GTF2H5: variants seen among roughly 807,000 people sequenced by gnomAD.
The protein encoded by GTF2H5 is TFB5 ortholog.
A neutral mutation model predicts 7.1 loss-of-function variants in GTF2H5; 5 were observed. That is an observed-to-expected ratio of 0.71 (90% CI 0.37 to 1.49). The LOEUF (loss-of-function observed/expected upper bound fraction) is 1.49. GTF2H5 is among the 40% of genes most tolerant of loss of function. GTF2H5 has a pLI of 0.03. For missense variants in GTF2H5, 80 were observed against 83.0 expected, an observed-to-expected ratio of 0.96 and a Z score of 0.14; for synonymous variants, 30 against 31.7, an observed-to-expected ratio of 0.95 and a Z score of 0.18.
chr6:158,174,925 G>A (rs1785908667), intron 2 of GTF2H5, among the ~76,000 whole-genome samples: 1 of 151,932 alleles, frequency 6.6e-6, no homozygotes. Flanking sequence ...TTTTTTCTCA[G>A]CATGTATAAA....
intron 2 of GTF2H5, among the ~76,000 whole-genome samples, chr6:158,185,965 A>G (rs1345393995): frequency 6.6e-6 from 1 of 152,158 alleles, no homozygotes; most frequent in Non-Finnish European, 1.5e-5. Flanking sequence ...ACTGCCCTCC[A>G]GCCTGGGTGA....
intron 2 of GTF2H5, among the ~76,000 whole-genome samples, chr6:158,175,521 C>T (rs770553706): frequency 6.6e-6 from 1 of 152,194 alleles, no homozygotes; most frequent in Non-Finnish European, 1.5e-5. Flanking sequence ...CCCAACACTT[C>T]AGGAGGCTGA....
intron 2 of GTF2H5, among the ~76,000 whole-genome samples, chr6:158,191,552 C>T (rs1045513603): frequency 9.9e-5 from 15 of 151,540 alleles, no homozygotes; most frequent in African/African-American, 3.4e-4. Context: ...GCACGATCTC[C>T]GCTCACTGCA....
rs992407080 is a variant in GTF2H5 at position 158,198,144 on chromosome 6, C to T, written c.*5987C>T. The T allele has an allele frequency of 1.3e-5, 2 of 152,158 alleles. No homozygotes were observed. Among genetic ancestry groups the T allele is most frequent in the Admixed American group, 6.5e-5 (1 of 15,272 alleles). 9.4% of individuals were successfully genotyped at this position (152,158 alleles called of 1,614,324 possible). A position where few individuals can be genotyped will look rare whatever the true frequency, so the allele number is the denominator to read the frequency against. On this transcript the variant is annotated 3_prime_UTR_variant, in exon 3 of 3. Transcript: ENST00000607778. ...ACACACATATGCGTTGTTTTCCCCA[C>T]TTTCACAATGCCGTGCAGAAACTAA...
intron 2 of GTF2H5, among the ~76,000 whole-genome samples, chr6:158,189,043 A>T (rs1310793995): frequency 6.7e-6 from 1 of 148,256 alleles, no homozygotes; most frequent in East Asian, 2.0e-4. Flanking sequence ...CTCTTCTCTG[A>T]ACTTTCCTTT....
At position 158,198,591 on chromosome 6, in the gene GTF2H5, T is replaced by A. The variant is rs1055196595; in HGVS notation, c.*6434T>A. 3 of 152,252 alleles carry A rather than the reference T, an allele frequency of 2.0e-5. No homozygotes were observed. The highest frequency in any genetic ancestry group is 1.3e-4 in the Admixed American group (2 of 15,274). 9.4% of individuals were successfully genotyped at this position (152,252 alleles called of 1,614,324 possible). ...CACCACACTTTGCTAATCTTGTATTTTTGGTAGAGACGGGGTTTGCACCAT... is the reference window on the plus strand; with the variant it reads ...CACCACACTTTGCTAATCTTGTATTATTGGTAGAGACGGGGTTTGCACCAT... On this transcript the variant is annotated 3_prime_UTR_variant, in exon 3 of 3. Coordinates refer to ENST00000607778, the MANE Select transcript of GTF2H5 (RefSeq NM_207118.3).
intron 2 of GTF2H5, among the ~76,000 whole-genome samples, chr6:158,176,926 C>G (rs1186794133): frequency 6.6e-6 from 1 of 152,252 alleles, no homozygotes; most frequent in Non-Finnish European, 1.5e-5. Flanking sequence ...ACAGATCACT[C>G]ACGCTATTGT....
rs1038144151 is a variant in GTF2H5, at chr6:158,175,126, G to A, written c.35+4588G>A. On this transcript the variant is annotated intron_variant, in intron 2 of 2. Coordinates refer to ENST00000607778, the MANE Select transcript of GTF2H5 (RefSeq NM_207118.3). ...CTGAATAAATTTTGTTAACAGAATT[G>A]AGTCCAGGTTTGTGATCTCAGCCAA... Among the ~76,000 whole-genome samples the A allele has an allele frequency of 5.9e-5, 9 of 151,814 alleles. No homozygotes were observed. The South Asian group carries it at 1.9e-3, about 32-fold the overall frequency.
At position 158,198,677 on chromosome 6, in the gene GTF2H5, A is replaced by G. The variant is rs1777150619; in HGVS notation, c.*6520A>G. The G allele has an allele frequency of 6.6e-6, 1 of 152,262 alleles. No individual in the cohort carries two copies. Among genetic ancestry groups the G allele is most frequent in the South Asian group, 2.1e-4 (1 of 4,830 alleles). 9.4% of individuals were successfully genotyped at this position (152,262 alleles called of 1,614,324 possible). ...TAATCTGGCCTCCCAAAGTGGTGGG[A>G]TTACAGGCGTGAGCCAGCGCGCCCG... On this transcript the variant is annotated 3_prime_UTR_variant, in exon 3 of 3. Transcript: ENST00000607778.
At chr6:158,184,469 G>A (rs1776870598) in intron 2 of GTF2H5, among the ~76,000 whole-genome samples, 1 of 152,068 alleles carries the variant, frequency 6.6e-6, no homozygotes, top group Non-Finnish European at 1.5e-5. Context: ...TGGGAAAATG[G>A]TAGCTGTGTT....
At chr6:158,190,895 G>C (rs774222314) in intron 2 of GTF2H5, 4 of 513,518 alleles carry the variant, frequency 7.8e-6, no homozygotes, top group African/African-American at 1.9e-5. Flanking sequence ...ATGATTCAAG[G>C]TTTTTATGAA....
At chr6:158,175,584 T>G (rs868579147) in intron 2 of GTF2H5, among the ~76,000 whole-genome samples, 26 of 152,052 alleles carry the variant, frequency 1.7e-4, no homozygotes, top group African/African-American at 6.3e-4. Flanking sequence ...GCCAACATGG[T>G]AAAACCCTGT....
In GTF2H5 at chr6:158,192,721, C is replaced by T. The variant is rs1182637739; in HGVS notation, c.*564C>T. Reference sequence around the variant, plus strand: ...TTAGAAACAACCAGTGGGAAAGGCACATGCTGCTTTGTTTAGTTTTTCCTT... The same window carrying T: ...TTAGAAACAACCAGTGGGAAAGGCATATGCTGCTTTGTTTAGTTTTTCCTT... On this transcript the variant is annotated 3_prime_UTR_variant, in exon 3 of 3. Transcript: ENST00000607778. 6.5e-6 allele frequency: 1 copy of T among 155,018 alleles called. No homozygotes were observed. Among genetic ancestry groups the T allele is most frequent in the Non-Finnish European group, 1.4e-5 (1 of 69,958 alleles). The allele number at this position is 155,018 out of a possible 1,614,324, so 9.6% of individuals were successfully genotyped here.
intron 2 of GTF2H5, among the ~76,000 whole-genome samples, chr6:158,179,871 T>C (rs1483175890): frequency 6.6e-6 from 1 of 152,164 alleles, no homozygotes; most frequent in Admixed American, 6.5e-5. Context: ...CTTCCAATAC[T>C]ATGTGGAATA....
At chr6:158,188,818 C>G (rs1263850043) in intron 2 of GTF2H5, among the ~76,000 whole-genome samples, 6 of 152,142 alleles carry the variant, frequency 3.9e-5, no homozygotes, top group African/African-American at 1.4e-4. Context: ...GATCCTCATT[C>G]TCATTAAGCC....
chr6:158,190,030 G>T (rs568466956), intron 2 of GTF2H5, among the ~76,000 whole-genome samples: 1 of 151,868 alleles, frequency 6.6e-6, no homozygotes, highest in East Asian at 1.9e-4. Context: ...TTCACTCAGG[G>T]GCCAGTAGGC....
At chr6:158,188,451 A>G (rs1323079175) in intron 2 of GTF2H5, among the ~76,000 whole-genome samples, 3 of 152,190 alleles carry the variant, frequency 2.0e-5, no homozygotes, top group East Asian at 1.9e-4. Context: ...CCTTTCTGCA[A>G]TATCATCGGG....
At chr6:158,175,892 C>T (rs1785926443) in intron 2 of GTF2H5, among the ~76,000 whole-genome samples, 1 of 152,242 alleles carries the variant, frequency 6.6e-6, no homozygotes, top group Non-Finnish European at 1.5e-5. Context: ...AAAATATTTG[C>T]AGACATTTTA....
chr6:158,178,456 C>CAAAAA (rs34745319), intron 2 of GTF2H5, among the ~76,000 whole-genome samples: 1 of 88,502 alleles, frequency 1.1e-5, no homozygotes, highest in Non-Finnish European at 2.2e-5. Flanking sequence ...GACTCCATCT[C>CAAAAA]AAAAAAAAAA....
Sources: allele counts gnomAD v4.1 joint callset (sites outside exome capture counted in the v4.1 genomes callset), GRCh38; gene constraint gnomAD v4.1.1; transcripts MANE v1.5; gene names NCBI Gene and HGNC (gene_info 2026-07-23, HGNC 2026-07-21).